Variants in ARHGAP15 observed in about 807,000 individuals in gnomAD.
ARHGAP15 encodes the protein rho GTPase-activating protein 15.
Under a neutral mutation model 63.7 loss-of-function variants are expected in ARHGAP15, and 51 were observed. The observed-to-expected ratio is 0.80, with a 90% confidence interval of 0.64 to 1.01. The LOEUF (loss-of-function observed/expected upper bound fraction) is 1.01, where lower values mean the gene tolerates loss of function less well. Ranked by LOEUF, ARHGAP15 falls within the 50% of genes least tolerant of loss-of-function variation. ARHGAP15 has a pLI of 0.00. For missense variants in ARHGAP15, 560 were observed against 564.6 expected, an observed-to-expected ratio of 0.99 and a Z score of 0.08; for synonymous variants, 191 against 193.8, an observed-to-expected ratio of 0.99 and a Z score of 0.12.
intron 6 of ARHGAP15, among the ~76,000 whole-genome samples, chr2:143,323,163 T>C (rs888907019): frequency 2.0e-5 from 3 of 152,358 alleles, no homozygotes; most frequent in African/African-American, 7.2e-5. Context: ...GTTTATGTTA[T>C]GTGTGAGAGT....
chr2:143,519,657 T>C (rs1693976460), intron 10 of ARHGAP15, among the ~76,000 whole-genome samples: 1 of 152,172 alleles, frequency 6.6e-6, no homozygotes. Flanking sequence ...ATTCATAAAA[T>C]ATCAGCACTC....
intron 13 of ARHGAP15, among the ~76,000 whole-genome samples, chr2:143,729,311 AAATC>A (rs1424464122): frequency 3.9e-5 from 6 of 152,242 alleles, no homozygotes; most frequent in African/African-American, 1.2e-4. Context: ...CAGGAAGTAG[AAATC>A]AATCAGGCTC....
chr2:143,472,501 A>G (rs1691626470), intron 8 of ARHGAP15, among the ~76,000 whole-genome samples: 1 of 152,158 alleles, frequency 6.6e-6, no homozygotes, highest in Non-Finnish European at 1.5e-5. Context: ...TGACTTTTTA[A>G]TGAGAGCTAG....
chr2:143,760,605 T>C (rs763977968), intron 13 of ARHGAP15, among the ~76,000 whole-genome samples: 17 of 152,174 alleles, frequency 1.1e-4, no homozygotes, highest in Non-Finnish European at 2.2e-4. Flanking sequence ...AACAAGTGAA[T>C]TGAAAATGTT....
rs547849335 is a variant in ARHGAP15 at position 143,696,640 on chromosome 2, A to G, written c.1139-6779A>G. Among the ~76,000 whole-genome samples the G allele has an allele frequency of 2.6e-5, 4 of 152,276 alleles. No individual in the cohort carries two copies. The East Asian group carries it at 7.7e-4, about 29-fold the overall frequency. On this transcript the variant is annotated intron_variant, in intron 12 of 13. Coordinates refer to ENST00000295095, the MANE Select transcript of ARHGAP15 (RefSeq NM_018460.4). ...TTATGCCAATTAATTGGCCAGAGTA[A>G]TTTTTGATACTGACAATTATTGACT...
chr2:143,650,488 G>C (rs1321748793), intron 12 of ARHGAP15, among the ~76,000 whole-genome samples: 1 of 151,892 alleles, frequency 6.6e-6, no homozygotes, highest in Non-Finnish European at 1.5e-5. Context: ...ATACCTTACA[G>C]TACCTTCCTC....
intron 6 of ARHGAP15, among the ~76,000 whole-genome samples, chr2:143,269,904 A>G (rs1418491945): frequency 2.6e-5 from 4 of 152,188 alleles, no homozygotes; most frequent in Non-Finnish European, 2.9e-5. Context: ...GTTTTCCAAA[A>G]TGAGGTACAT....
At chr2:143,519,195 G>A (rs1386505788) in intron 9 of ARHGAP15, 71 bp from the exon 10 acceptor site, 1 of 1,203,274 alleles carries the variant, frequency 8.3e-7, no homozygotes, top group South Asian at 1.3e-5. Flanking sequence ...CAATGGATAT[G>A]GAAACGGAAT....
At chr2:143,603,866 AAAG>A (rs1232512788) in intron 11 of ARHGAP15, among the ~76,000 whole-genome samples, 3 of 152,320 alleles carry the variant, frequency 2.0e-5, no homozygotes, top group East Asian at 1.9e-4. Context: ...AGAAATTCTA[AAAG>A]AAGAAGAATA....
intron 8 of ARHGAP15, among the ~76,000 whole-genome samples, chr2:143,475,119 G>A (rs1400550606): frequency 6.6e-6 from 1 of 152,120 alleles, no homozygotes; most frequent in Non-Finnish European, 1.5e-5. Context: ...GATCTTTGTG[G>A]GGCTTTTCCT....
intron 11 of ARHGAP15, among the ~76,000 whole-genome samples, chr2:143,558,966 C>T (rs1034547411): frequency 6.6e-6 from 1 of 152,156 alleles, no homozygotes; most frequent in South Asian, 2.1e-4. Flanking sequence ...AAACACAGAA[C>T]TAAACTTTAC....
intron 10 of ARHGAP15, among the ~76,000 whole-genome samples, chr2:143,550,321 CAAAAG>C (rs1015943407): frequency 6.6e-6 from 1 of 151,966 alleles, no homozygotes; most frequent in Non-Finnish European, 1.5e-5. Context: ...AATTAGGAAG[CAAAAG>C]AAAACAGTCA....
chr2:143,389,136 T>TATTATTA (rs57960431), intron 6 of ARHGAP15, among the ~76,000 whole-genome samples: 1 of 149,168 alleles, frequency 6.7e-6, no homozygotes, highest in African/African-American at 2.4e-5. Flanking sequence ...TTATTATTAT[T>TATTATTA]TTTTATTATT....
At chr2:143,244,413 A>AT (rs1398870864) in intron 5 of ARHGAP15, among the ~76,000 whole-genome samples, 2 of 152,160 alleles carry the variant, frequency 1.3e-5, no homozygotes, top group African/African-American at 4.8e-5. Flanking sequence ...GGATATTTTT[A>AT]TTTTTTTAAG....
At chr2:143,567,682 T>C (rs980391158) in intron 11 of ARHGAP15, among the ~76,000 whole-genome samples, 13 of 152,226 alleles carry the variant, frequency 8.5e-5, no homozygotes, top group African/African-American at 3.1e-4. Context: ...ACTCAGGTGA[T>C]ACTAAAGCCA....
At chr2:143,272,906 T>G (rs1048347335) in intron 6 of ARHGAP15, among the ~76,000 whole-genome samples, 9 of 152,186 alleles carry the variant, frequency 5.9e-5, no homozygotes, top group African/African-American at 2.2e-4. Context: ...AAATTTAAAT[T>G]TAACTCTATA....
At chr2:143,225,985 A>G (rs190801608) in intron 4 of ARHGAP15, among the ~76,000 whole-genome samples, 117 of 152,360 alleles carry the variant, frequency 7.7e-4, no homozygotes, top group Non-Finnish European at 1.4e-3. Flanking sequence ...GAGCCCATGG[A>G]AAAGCTTTCA....
intron 8 of ARHGAP15, among the ~76,000 whole-genome samples, chr2:143,459,088 TTG>T (rs1690799077): frequency 6.6e-6 from 1 of 152,130 alleles, no homozygotes; most frequent in Admixed American, 6.6e-5. Context: ...GTTTTTAAGG[TTG>T]CTAGTGGCTT....
intron 6 of ARHGAP15, among the ~76,000 whole-genome samples, chr2:143,432,114 A>G (rs1689415167): frequency 6.6e-6 from 1 of 152,102 alleles, no homozygotes; most frequent in Non-Finnish European, 1.5e-5. Flanking sequence ...TACTTTGTGT[A>G]GCTATGCATA....
Sources: allele counts gnomAD v4.1 joint callset (sites outside exome capture counted in the v4.1 genomes callset), GRCh38; gene constraint gnomAD v4.1.1; transcripts MANE v1.5; gene names NCBI Gene and HGNC (gene_info 2026-07-23, HGNC 2026-07-21).